The following FSIP2 variants were observed in gnomAD, a reference collection of about 807,000 sequenced individuals.
The protein encoded by FSIP2 is fibrous sheath interacting protein 2.
FSIP2 carries 367 observed loss-of-function variants against 510.5 expected under a neutral mutation model. The ratio of observed to expected loss-of-function variants is 0.72; its 90% CI spans 0.66 to 0.78. The LOEUF is 0.78. Among genes scored for constraint, FSIP2 ranks in the 30% least tolerant of loss-of-function variants. The pLI, the probability that FSIP2 is intolerant of heterozygous loss-of-function variation, is 0.00. For synonymous variants in FSIP2, 2,601 were observed against 2,732.2 expected, an observed-to-expected ratio of 0.95 and a Z score of 1.50; for missense variants, 7,594 against 7,901.7, an observed-to-expected ratio of 0.96 and a Z score of 1.48.
Position 185,801,582 on chromosome 2 carries a change from G to T in FSIP2, c.12276G>T (p.Leu4092=). The part of the protein sequence containing the change: ...GILLEILDYK[L]PSCFKEHLIP... Reference sequence around the variant, plus strand: ...TGTTAGAGATTTTAGACTACAAACTGCCATCTTGCTTCAAGGAACATCTCA... The same window carrying T: ...TGTTAGAGATTTTAGACTACAAACTTCCATCTTGCTTCAAGGAACATCTCA... The change falls in exon 17 of 23, where the codon CTG becomes CTT. Residue 4092 remains leucine (L), a synonymous_variant. Coordinates refer to ENST00000424728, the MANE Select transcript of FSIP2 (RefSeq NM_173651.4). 6.5e-7 allele frequency: 1 copy of T among 1,533,940 alleles called. No homozygotes were observed. Among genetic ancestry groups the T allele is most frequent in the Non-Finnish European group, 8.7e-7 (1 of 1,145,502 alleles).
rs531733382 is a variant in FSIP2, at chr2:185,814,047, G to A, written c.20325+5G>A. ...GAGGAAAAGCCCCAGTGTAAGGTAA[G>A]TGATAAGCATGACTGTTAGTGACTA... On this transcript the variant is annotated splice_donor_5th_base_variant and intron_variant, in intron 18 of 22. Transcript: ENST00000424728. The A allele has an allele frequency of 2.5e-6, 4 of 1,605,836 alleles. No homozygotes were observed. In the African/African-American group the frequency reaches 5.4e-5, roughly 21 times the overall value.
intron 20 of FSIP2, among the ~76,000 whole-genome samples, chr2:185,825,293 C>T (rs1214748026): frequency 6.6e-6 from 1 of 151,746 alleles, no homozygotes; most frequent in Admixed American, 6.6e-5. Context: ...TAGATGCCAA[C>T]AGAAACCGTT....
chr2:185,756,345 AAC>A (rs1692246432), intron 9 of FSIP2, 67 bp downstream of exon 9: 2 of 570,246 alleles, frequency 3.5e-6, no homozygotes, highest in South Asian at 6.9e-5. Flanking sequence ...ACAGTTTTGT[AAC>A]AACTTTTTTC....
At position 185,833,180 on chromosome 2, in the gene FSIP2, C is replaced by A. The variant is rs1020869069; in HGVS notation, c.20678C>A (p.Thr6893Asn). 1.9e-6 allele frequency: 3 copies of A among 1,610,908 alleles called. No individual in the cohort carries two copies. Among genetic ancestry groups the A allele is most frequent in the African/African-American group, 2.7e-5 (2 of 74,724 alleles). The change falls in exon 23 of 23, where the codon ACC becomes AAC. Residue 6893 changes from threonine to asparagine, a missense_variant. Physicochemically the swap from Thr to Asn is moderately conservative, Grantham distance 65. Coordinates refer to ENST00000424728, the MANE Select transcript of FSIP2 (RefSeq NM_173651.4). ...TLSKVFSQCN[T>N]NISRSSSPAH... ...TCAAAGGTGTTTTCTCAATGTAACACCAATATTTCCAGATCTTCCTCACCA... is the reference window on the plus strand; with the variant it reads ...TCAAAGGTGTTTTCTCAATGTAACAACAATATTTCCAGATCTTCCTCACCA...
At chr2:185,758,687 C>G (rs1401886992) in intron 9 of FSIP2, among the ~76,000 whole-genome samples, 1 of 150,994 alleles carries the variant, frequency 6.6e-6, no homozygotes, top group Non-Finnish European at 1.5e-5. Flanking sequence ...TGATATCTTC[C>G]TTGCTACCTG....
In FSIP2 at chr2:185,803,399, T is replaced by C. The variant is rs182963899; in HGVS notation, c.14093T>C (p.Val4698Ala). The change falls in exon 17 of 23, where the codon GTT (valine) becomes GCT (alanine). Residue 4698 changes from valine (V) to alanine (A), a missense_variant. By Grantham distance (64) the Val-to-Ala change is moderately conservative. Transcript: ENST00000424728. ...GAGAGGGATGTAGTCAAAACAATTG[T>C]TGACATGGTGTACAGCAAAGTTTTG... The part of the protein sequence containing the change: ...PVERDVVKTI[V>A]DMVYSKVLQE... 533 of 1,533,146 alleles carry C rather than the reference T, an allele frequency of 3.5e-4. 5 individuals are homozygous for C. In the South Asian group the frequency reaches 3.6e-3, roughly 10 times the overall value. The allele number at this position is 1,533,146 out of a possible 1,614,324, so 95.0% of individuals were successfully genotyped here. A position where few individuals can be genotyped will look rare whatever the true frequency, so the allele number is the denominator to read the frequency against.
At chr2:185,759,551 A>G (rs974348862) in intron 9 of FSIP2, among the ~76,000 whole-genome samples, 6 of 145,482 alleles carry the variant, frequency 4.1e-5, no homozygotes, top group Non-Finnish European at 7.6e-5. Flanking sequence ...AATTATAAAT[A>G]AGTATTAAAA....
chr2:185,797,081 C>A lies in FSIP2; in HGVS notation c.9945C>A (p.Asn3315Lys), dbSNP rs1449561045. 1 of 1,535,148 alleles carries A rather than the reference C, an allele frequency of 6.5e-7. No homozygotes were observed. Among genetic ancestry groups the A allele is most frequent in the Non-Finnish European group, 8.7e-7 (1 of 1,146,284 alleles). The part of the protein sequence containing the change: ...YENLKPVVEP[N>K]QIQTTISPLK... ...ACCTAAAACCAGTTGTTGAACCAAA[C>A]CAAATTCAGACAACCATTTCCCCTC... The change falls in exon 16 of 23, where the codon AAC becomes AAA. Residue 3315 changes from asparagine (N) to lysine (K), a missense_variant. By Grantham distance (94) the Asn-to-Lys change is moderately conservative (BLOSUM62 0). Coordinates refer to ENST00000424728, the MANE Select transcript of FSIP2 (RefSeq NM_173651.4).
chr2:185,780,694 CT>C (rs762221435), intron 13 of FSIP2, among the ~76,000 whole-genome samples: 50 of 151,852 alleles, frequency 3.3e-4, no homozygotes, highest in Non-Finnish European at 6.2e-4. Flanking sequence ...GCCATGGTTT[CT>C]TGTTTTTCTT....
In FSIP2 at chr2:185,763,283, A is replaced by G; in HGVS notation, c.1341A>G (p.Lys447=). 1 of 1,383,864 alleles carries G rather than the reference A, an allele frequency of 7.2e-7. No homozygotes were observed. The highest frequency in any genetic ancestry group is 9.9e-7 in the Non-Finnish European group (1 of 1,008,390). The allele number at this position is 1,383,864 out of a possible 1,614,324, so 85.7% of individuals were successfully genotyped here. A position where few individuals can be genotyped will look rare whatever the true frequency, so the allele number is the denominator to read the frequency against. ...CACAGGCATTTTTGGATCCTTCAAAAGAAGAGGTATATAACAGTTCTTTTA... is the reference window on the plus strand; with the variant it reads ...CACAGGCATTTTTGGATCCTTCAAAGGAAGAGGTATATAACAGTTCTTTTA... ...RVSQAFLDPS[K]EEKETNADWD... The change falls in exon 12 of 23, where the codon AAA becomes AAG. Residue 447 remains lysine (K), a synonymous_variant. Transcript: ENST00000424728.
chr2:185,746,855 A>G (rs374093000), intron 6 of FSIP2, 45 bp downstream of exon 6: 1 of 1,323,512 alleles, frequency 7.6e-7, no homozygotes, highest in African/African-American at 1.5e-5. Context: ...AATTGTGTAC[A>G]GTTGTTGCAT....
chr2:185,762,099 T>C, intron 11 of FSIP2, 82 bp downstream of exon 11: 1 of 670,466 alleles, frequency 1.5e-6, no homozygotes, highest in East Asian at 2.8e-5. Flanking sequence ...AGTTGTTTTA[T>C]CTGATTATAA....
chr2:185,802,886 A>G lies in FSIP2; in HGVS notation c.13580A>G (p.Glu4527Gly). The G allele has an allele frequency of 6.7e-7, 1 of 1,498,136 alleles. No homozygotes were observed. The allele number at this position is 1,498,136 out of a possible 1,614,324, so 92.8% of individuals were successfully genotyped here. A position where few individuals can be genotyped will look rare whatever the true frequency, so the allele number is the denominator to read the frequency against. The change falls in exon 17 of 23, where the codon GAG (glutamate) becomes GGG (glycine). Residue 4527 changes from glutamate (E) to glycine (G), a missense_variant. Transcript: ENST00000424728. Reference sequence around the variant, plus strand: ...CAACATGAAATTCGATTTTCAAAAGAGGAAGAAGAAACCAAGTTTATTTAT... The same window carrying G: ...CAACATGAAATTCGATTTTCAAAAGGGGAAGAAGAAACCAAGTTTATTTAT... ...VSQHEIRFSK[E>G]EEETKFIYSE...
chr2:185,767,362 T>C (rs1692510458), intron 13 of FSIP2, among the ~76,000 whole-genome samples: 1 of 152,022 alleles, frequency 6.6e-6, no homozygotes, highest in Non-Finnish European at 1.5e-5. Flanking sequence ...AAAGAGCTAC[T>C]CTTAGCAGTT....
intron 13 of FSIP2, among the ~76,000 whole-genome samples, chr2:185,780,459 T>C (rs1692823019): frequency 6.6e-6 from 1 of 151,614 alleles, no homozygotes; most frequent in Admixed American, 6.6e-5. Flanking sequence ...AATTGCTTTG[T>C]AAAATTGAAC....
chr2:185,817,632 A>G (rs1383641472), intron 19 of FSIP2, among the ~76,000 whole-genome samples: 2 of 152,040 alleles, frequency 1.3e-5, no homozygotes, highest in African/African-American at 2.4e-5. Context: ...AAAAACTGGA[A>G]GAGGTGGCTT....
upstream of FSIP2, chr2:185,738,322 T>A: frequency 8.5e-6 from 3 of 353,068 alleles, no homozygotes; most frequent in South Asian, 3.1e-5. Context: ...AGTGGGAGAG[T>A]GGTAAAGGGC....
At chr2:185,831,697 T>G in intron 21 of FSIP2, 116 bp from the exon 22 acceptor site, 1 of 686,336 alleles carries the variant, frequency 1.5e-6, no homozygotes, top group East Asian at 2.7e-5. Context: ...ATATATTTTA[T>G]GTAAGATGCT....
chr2:185,805,630 C>G lies in FSIP2; in HGVS notation c.16324C>G (p.Pro5442Ala). 6.2e-7 allele frequency: 1 copy of G among 1,609,004 alleles called. No individual in the cohort carries two copies. Among genetic ancestry groups the G allele is most frequent in the Non-Finnish European group, 8.5e-7 (1 of 1,177,884 alleles). ...TGCAAAAGAGAACCAACTTTCTTTA[C>G]CAGATCAATCATATAAAGATACTTC... ...RCAKENQLSLPDQSYKDTSST... is the reference protein window; with the variant it reads ...RCAKENQLSLADQSYKDTSST... Residue 5442 changes from proline (P) to alanine (A), a missense_variant, in exon 17 of 23, where the codon CCA (proline) becomes GCA (alanine). By Grantham distance (27) the Pro-to-Ala change is conservative (BLOSUM62 -1). Coordinates refer to ENST00000424728, the MANE Select transcript of FSIP2 (RefSeq NM_173651.4).
Sources: gnomAD v4.1 joint callset for allele counts (sites outside exome capture counted in the v4.1 genomes callset) on GRCh38, gnomAD v4.1.1 for gene constraint, MANE v1.5 for transcripts, NCBI Gene and HGNC (gene_info 2026-07-23, HGNC 2026-07-21) for gene names.